Variants in RAD17 observed in about 807,000 individuals in gnomAD.
RAD17 encodes the protein cell cycle checkpoint protein RAD17.
Under a neutral mutation model 81.5 loss-of-function variants are expected in RAD17, and 31 were observed. The ratio of observed to expected loss-of-function variants is 0.38; its 90% confidence interval spans 0.29 to 0.51. The LOEUF is 0.51. RAD17 is among the 20% of genes least tolerant of loss of function. The probability of loss-of-function intolerance (pLI) is 0.88; values close to 1 mark genes in which losing one functional copy is unlikely to be tolerated. For missense variants in RAD17, 681 were observed against 781.2 expected, an observed-to-expected ratio of 0.87 and a Z score of 1.53; for synonymous variants, 261 against 266.2, an observed-to-expected ratio of 0.98 and a Z score of 0.19.
chr5:69,385,223 G>A (rs1327505279), intron 8 of RAD17, among the ~76,000 whole-genome samples: 1 of 149,318 alleles, frequency 6.7e-6, no homozygotes, highest in Non-Finnish European at 1.5e-5. Flanking sequence ...GCCTCCCAAA[G>A]TGCTGGGATT....
At chr5:69,371,367 T>TTGATTATA in intron 2 of RAD17, 87 bp from the exon 3 acceptor site, 1 of 510,908 alleles carries the variant, frequency 2.0e-6, no homozygotes. Context: ...TATTGTATTG[T>TTGATTATA]TGATTATATC....
Position 69,389,067 on chromosome 5 carries a change from T to C in RAD17, c.928T>C (p.Ser310Pro). 6.5e-7 allele frequency: 1 copy of C among 1,539,538 alleles called. No individual in the cohort carries two copies. Residue 310 changes from serine (S) to proline (P), a missense_variant, in exon 12 of 19, where the codon TCT (serine) becomes CCT (proline). Physicochemically the swap from Ser to Pro is moderately conservative, Grantham distance 74 (BLOSUM62 -1). Transcript: ENST00000354868. The part of the protein sequence containing the change: ...GGKITVPDKT[S>P]LELLCQGCSG... The stretch of plus-strand genomic sequence containing the variant: ...AAAAATTACTGTCCCTGACAAAACT[T>C]CTCTAGAGTTGCTCTGTCAGGGATG...
At chr5:69,379,015 G>A (rs1027692572) in intron 6 of RAD17, among the ~76,000 whole-genome samples, 7 of 152,312 alleles carry the variant, frequency 4.6e-5, no homozygotes, top group African/African-American at 1.7e-4. Flanking sequence ...GTCGAGGTGG[G>A]TGGATTACCT....
chr5:69,371,261 T>C, intron 2 of RAD17, 90 bp downstream of exon 2: 1 of 572,478 alleles, frequency 1.7e-6, no homozygotes, highest in South Asian at 1.7e-5. Flanking sequence ...CACAAGTAGA[T>C]TATTTGATAC....
At chr5:69,387,407 A>G (rs1201488040) in intron 11 of RAD17, among the ~76,000 whole-genome samples, 1 of 152,200 alleles carries the variant, frequency 6.6e-6, no homozygotes, top group African/African-American at 2.4e-5. Context: ...TGAGGGAAAT[A>G]TCCAAGGGAG....
chr5:69,400,398 A>G (rs1305748584), intron 17 of RAD17, among the ~76,000 whole-genome samples: 1 of 151,544 alleles, frequency 6.6e-6, no homozygotes, highest in Non-Finnish European at 1.5e-5. Flanking sequence ...TTGTATTTTT[A>G]GTAGAGATGG....
chr5:69,377,600 T>TATATATGTATAC (rs1554038760), intron 6 of RAD17, among the ~76,000 whole-genome samples: 1 of 7,084 alleles, frequency 1.4e-4, no homozygotes, highest in African/African-American at 2.1e-4. Flanking sequence ...TATATATGCA[T>TATATATGTATAC]ATATATATGT....
chr5:69,398,737 C>T (rs915355874), intron 16 of RAD17, among the ~76,000 whole-genome samples: 2 of 150,874 alleles, frequency 1.3e-5, no homozygotes, highest in Non-Finnish European at 2.9e-5. Flanking sequence ...ACCCGGGAGG[C>T]AGAAGTTGCA....
chr5:69,412,615 A>T (rs1015716211), intron 18 of RAD17, among the ~76,000 whole-genome samples: 5 of 152,072 alleles, frequency 3.3e-5, no homozygotes, highest in Non-Finnish European at 7.4e-5. Context: ...TTTTGTATCC[A>T]CTTACAGTGT....
At chr5:69,405,969 G>C (rs1765576602) in intron 17 of RAD17, among the ~76,000 whole-genome samples, 1 of 151,844 alleles carries the variant, frequency 6.6e-6, no homozygotes, top group African/African-American at 2.4e-5. Flanking sequence ...TTGAATCCAG[G>C]AGGTAGAGGT....
At chr5:69,375,620 C>T (rs1187195560) in intron 6 of RAD17, among the ~76,000 whole-genome samples, 1 of 41,286 alleles carries the variant, frequency 2.4e-5, no homozygotes, top group East Asian at 8.7e-4. Flanking sequence ...TTAGATACTT[C>T]AGTATGTCTG....
At chr5:69,390,202 C>T (rs1433443419) in intron 12 of RAD17, among the ~76,000 whole-genome samples, 1 of 152,168 alleles carries the variant, frequency 6.6e-6, no homozygotes, top group Non-Finnish European at 1.5e-5. Flanking sequence ...GGGCCAGGAA[C>T]TGTGTTAGCA....
chr5:69,404,932 G>A (rs528829350), intron 17 of RAD17, among the ~76,000 whole-genome samples: 3 of 152,058 alleles, frequency 2.0e-5, no homozygotes, highest in African/African-American at 4.8e-5. Flanking sequence ...AGAGTGAGAT[G>A]CTGTCTCAAA....
intron 12 of RAD17, among the ~76,000 whole-genome samples, chr5:69,390,309 A>G (rs1394825034): frequency 6.6e-6 from 1 of 152,152 alleles, no homozygotes; most frequent in Non-Finnish European, 1.5e-5. Flanking sequence ...TGTTCAAGGT[A>G]GCTTTTAAGC....
At chr5:69,376,795 A>G (rs1763362234) in intron 6 of RAD17, among the ~76,000 whole-genome samples, 1 of 151,190 alleles carries the variant, frequency 6.6e-6, no homozygotes, top group Admixed American at 6.6e-5. Context: ...GCTTTGTCAC[A>G]CAGGCTAGAG....
At chr5:69,372,897 A>ACC (rs1763095003) in intron 4 of RAD17, among the ~76,000 whole-genome samples, 1 of 152,164 alleles carries the variant, frequency 6.6e-6, no homozygotes, top group East Asian at 1.9e-4. Context: ...GGTGTGAGCT[A>ACC]CCACACCCAA....
At chr5:69,410,643 A>C in intron 18 of RAD17, 93 bp downstream of exon 18, 1 of 1,164,270 alleles carries the variant, frequency 8.6e-7, no homozygotes, top group Non-Finnish European at 1.3e-6. Flanking sequence ...TGTAACATCC[A>C]AGAAAGACAT....
At chr5:69,384,480 A>G (rs1416005780) in intron 7 of RAD17, among the ~76,000 whole-genome samples, 5 of 152,102 alleles carry the variant, frequency 3.3e-5, no homozygotes, top group Non-Finnish European at 7.4e-5. Flanking sequence ...ACACCTGGCT[A>G]ATTTGTGTAT....
intron 6 of RAD17, among the ~76,000 whole-genome samples, chr5:69,375,008 T>C (rs1260592747): frequency 6.6e-6 from 1 of 152,070 alleles, no homozygotes; most frequent in African/African-American, 2.4e-5. Flanking sequence ...CTCAGCTACT[T>C]GGGAAGCTGA....
Sources: allele counts gnomAD v4.1 joint callset (sites outside exome capture counted in the v4.1 genomes callset), GRCh38; gene constraint gnomAD v4.1.1; transcripts MANE v1.5; gene names NCBI Gene and HGNC (gene_info 2026-07-23, HGNC 2026-07-21).